GFRA1: variants seen among roughly 807,000 people sequenced by gnomAD.
GFRA1 encodes the protein GDNF family receptor alpha 1.
In GFRA1, 16 loss-of-function variants were observed where a neutral mutation model predicts 51.6. The observed-to-expected ratio is 0.31, with a 90% CI of 0.21 to 0.47. The LOEUF (loss-of-function observed/expected upper bound fraction) is 0.47, where lower values mean the gene tolerates loss of function less well. Among genes scored for constraint, GFRA1 ranks in the 20% least tolerant of loss-of-function variants. The pLI is 1.00. For missense variants in GFRA1, 530 were observed against 594.3 expected (o/e 0.89, Z 1.13); for synonymous variants, 270 against 241.3 (o/e 1.12, Z -1.10).
In GFRA1 at chr10:116,182,165, G is replaced by A. The variant is rs551015496; in HGVS notation, c.433+29466C>T. On this transcript the variant is annotated intron_variant, in intron 5 of 10. Coordinates refer to ENST00000355422, the MANE Select transcript of GFRA1 (RefSeq NM_005264.8). The stretch of plus-strand genomic sequence containing the variant: ...GGGAGGGCAGAAATGGGGAGTGCAG[G>A]GAGAAAAATCCAGATAAACCAATGA... Among the ~76,000 whole-genome samples, 7 of 152,170 alleles carry A rather than the reference G, an allele frequency of 4.6e-5. 1 individual carries two copies. The South Asian group carries it at 1.5e-3, about 32-fold the overall frequency.
At chr10:116,179,246 A>G (rs1303723625) in intron 5 of GFRA1, among the ~76,000 whole-genome samples, 1 of 152,214 alleles carries the variant, frequency 6.6e-6, no homozygotes, top group Non-Finnish European at 1.5e-5. Flanking sequence ...TAACTAATTA[A>G]GTCTTCATAC....
intron 4 of GFRA1, among the ~76,000 whole-genome samples, chr10:116,254,931 C>T (rs1316198132): frequency 1.3e-5 from 2 of 152,158 alleles, no homozygotes; most frequent in Non-Finnish European, 1.5e-5. Flanking sequence ...GATCTCAAAC[C>T]CAGACAAAGA....
At chr10:116,173,023 G>C (rs1961196920) in intron 5 of GFRA1, among the ~76,000 whole-genome samples, 1 of 152,214 alleles carries the variant, frequency 6.6e-6, no homozygotes, top group Non-Finnish European at 1.5e-5. Flanking sequence ...GGAGACAACA[G>C]TAATCTGGAT....
intron 5 of GFRA1, among the ~76,000 whole-genome samples, chr10:116,205,213 T>A (rs1964636493): frequency 1.3e-5 from 2 of 152,128 alleles, no homozygotes; most frequent in African/African-American, 4.8e-5. Context: ...AGGAAATGTG[T>A]GCAAAATACT....
At chr10:116,127,275 T>C (rs964576885) in intron 5 of GFRA1, among the ~76,000 whole-genome samples, 1 of 152,160 alleles carries the variant, frequency 6.6e-6, no homozygotes, top group African/African-American at 2.4e-5. Context: ...CTTGCTACGA[T>C]TAAAAATATT....
chr10:116,161,411 T>C (rs1959776841), intron 5 of GFRA1, among the ~76,000 whole-genome samples: 1 of 152,188 alleles, frequency 6.6e-6, no homozygotes, highest in Non-Finnish European at 1.5e-5. Flanking sequence ...AGCAGCAGCG[T>C]TTCCATAATA....
chr10:116,240,039 G>A lies in GFRA1; in HGVS notation c.419-28394C>T, dbSNP rs182793660. Among the ~76,000 whole-genome samples, 14 of 152,114 alleles carry A rather than the reference G, an allele frequency of 9.2e-5. No individual in the cohort carries two copies. The East Asian group carries it at 2.5e-3, about 27-fold the overall frequency. On this transcript the variant is annotated intron_variant, in intron 4 of 10. Transcript: ENST00000355422. Reference sequence around the variant, plus strand: ...GAGGGAGAAAGGATATCTACAAGCAGGTGTTCGTCGATTTCTCTATGATGT... The same window carrying A: ...GAGGGAGAAAGGATATCTACAAGCAAGTGTTCGTCGATTTCTCTATGATGT...
At chr10:116,179,690 T>A (rs1962017870) in intron 5 of GFRA1, among the ~76,000 whole-genome samples, 2 of 151,740 alleles carry the variant, frequency 1.3e-5, no homozygotes, top group African/African-American at 4.8e-5. Context: ...GATAAATGAG[T>A]TTTTGATAGG....
intron 6 of GFRA1, among the ~76,000 whole-genome samples, chr10:116,120,432 G>T (rs989803355): frequency 3.9e-5 from 6 of 151,900 alleles, no homozygotes; most frequent in South Asian, 2.1e-4. Context: ...TTAATTAAAA[G>T]AAATTAGCCA....
intron 6 of GFRA1, among the ~76,000 whole-genome samples, chr10:116,123,077 C>T (rs553635755): frequency 1.3e-5 from 2 of 152,350 alleles, no homozygotes; most frequent in South Asian, 4.1e-4. Context: ...CATCGCTGGA[C>T]CCCGAGCAAA....
chr10:116,196,596 A>T lies in GFRA1; in HGVS notation c.433+15035T>A, dbSNP rs1267541455. ...ATATATAATATATAGTACTATATATAATATATATATAGTACTATATATAAT... is the reference window on the plus strand; with the variant it reads ...ATATATAATATATAGTACTATATATTATATATATATAGTACTATATATAAT... On this transcript the variant is annotated intron_variant, in intron 5 of 10. Coordinates refer to ENST00000355422, the MANE Select transcript of GFRA1 (RefSeq NM_005264.8). 4.2e-3 allele frequency among the ~76,000 whole-genome samples: 57 copies of T among 13,446 alleles called. 10 individuals carry two copies. The highest frequency in any genetic ancestry group is 0.036 in the Middle Eastern group (1 of 28). The allele number at this position is 13,446 out of a possible 152,430, so 8.8% of individuals were successfully genotyped here. A position where few individuals can be genotyped will look rare whatever the true frequency, so the allele number is the denominator to read the frequency against.
intron 5 of GFRA1, among the ~76,000 whole-genome samples, chr10:116,152,625 C>A (rs1959108410): frequency 6.6e-6 from 1 of 152,200 alleles, no homozygotes; most frequent in South Asian, 2.1e-4. Context: ...CAGGCCCCAC[C>A]TCCAATATTG....
At chr10:116,230,324 T>C (rs1308163839) in intron 4 of GFRA1, among the ~76,000 whole-genome samples, 1 of 152,214 alleles carries the variant, frequency 6.6e-6, no homozygotes, top group Non-Finnish European at 1.5e-5. Context: ...TATCTCATTT[T>C]AGAGCTGAGG....
At chr10:116,163,850 C>T (rs1447569106) in intron 5 of GFRA1, among the ~76,000 whole-genome samples, 1 of 152,218 alleles carries the variant, frequency 6.6e-6, no homozygotes, top group Admixed American at 6.5e-5. Flanking sequence ...CTTGAGTGAA[C>T]CTCCAAGGGT....
rs1956244738 is a variant in GFRA1 at position 116,089,668 on chromosome 10, A to C, written c.1197+73T>G. 1.0e-5 allele frequency: 13 copies of C among 1,267,420 alleles called. No individual in the cohort carries two copies. In the South Asian group the frequency reaches 1.6e-4, roughly 15 times the overall value. The allele number at this position is 1,267,420 out of a possible 1,614,324, so 78.5% of individuals were successfully genotyped here. On this transcript the variant is annotated intron_variant, in intron 9 of 10. Coordinates refer to ENST00000355422, the MANE Select transcript of GFRA1 (RefSeq NM_005264.8). ...CATCTCTCTCTGCATACATTTCAGA[A>C]AATGGGTCTGCCCGTGTTTCACCCC...
chr10:116,076,152 C>G (rs868846422), intron 9 of GFRA1, among the ~76,000 whole-genome samples: 1 of 151,822 alleles, frequency 6.6e-6, no homozygotes, highest in Non-Finnish European at 1.5e-5. Context: ...CTACATAGTA[C>G]TAACATAGTA....
chr10:116,230,926 G>A (rs1272320473), intron 4 of GFRA1, among the ~76,000 whole-genome samples: 1 of 152,150 alleles, frequency 6.6e-6, no homozygotes, highest in Non-Finnish European at 1.5e-5. Context: ...TGGATGGGTG[G>A]AGCATCCCAG....
chr10:116,239,001 A>C (rs767059512), intron 4 of GFRA1, among the ~76,000 whole-genome samples: 3 of 152,226 alleles, frequency 2.0e-5, no homozygotes, highest in Non-Finnish European at 1.5e-5. Context: ...TCAAAGCAAG[A>C]GTATCATCAG....
intron 4 of GFRA1, among the ~76,000 whole-genome samples, chr10:116,260,843 T>A (rs1182638667): frequency 2.0e-5 from 3 of 151,518 alleles, no homozygotes; most frequent in Non-Finnish European, 4.4e-5. Flanking sequence ...CCCAGCTAGT[T>A]GAGTCTCTAA....
Sources: gnomAD v4.1 joint callset for allele counts (sites outside exome capture counted in the v4.1 genomes callset) on GRCh38, gnomAD v4.1.1 for gene constraint, MANE v1.5 for transcripts, NCBI Gene and HGNC (gene_info 2026-07-23, HGNC 2026-07-21) for gene names.